Variants in WASF2 observed in about 807,000 individuals in gnomAD.
The protein encoded by WASF2 is WASP family member 2.
In WASF2, 14 loss-of-function variants were observed where a neutral mutation model predicts 45.0. That is an observed-to-expected ratio of 0.31 (90% confidence interval 0.21 to 0.49). The LOEUF (loss-of-function observed/expected upper bound fraction) is 0.49. Ranked by LOEUF, WASF2 falls within the 20% of genes least tolerant of loss-of-function variation. The pLI is 0.99. For missense variants in WASF2, 439 were observed against 636.1 expected, an observed-to-expected ratio of 0.69 and a Z score of 3.33; for synonymous variants, 200 against 236.3, an observed-to-expected ratio of 0.85 and a Z score of 1.41.
At chr1:27,422,141 G>C (rs2016916495) in intron 2 of WASF2, among the ~76,000 whole-genome samples, 1 of 151,702 alleles carries the variant, frequency 6.6e-6, no homozygotes, top group African/African-American at 2.4e-5. Context: ...TAGAGGCTCA[G>C]TGTGGCACAG....
At chr1:27,459,714 T>C (rs1372477972) in intron 1 of WASF2, 1 of 152,220 alleles carries the variant, frequency 6.6e-6, no homozygotes, top group Non-Finnish European at 1.5e-5. Flanking sequence ...CTCCAAACTT[T>C]ATACCACAGT....
At chr1:27,441,260 A>C (rs546125837) in intron 1 of WASF2, among the ~76,000 whole-genome samples, 8 of 152,066 alleles carry the variant, frequency 5.3e-5, no homozygotes, top group Non-Finnish European at 1.0e-4. Flanking sequence ...TGGGAGGCCA[A>C]GGTGGGAGGA....
At position 27,406,447 on chromosome 1, in the gene WASF2, G is replaced by A. The variant is rs2148093629; in HGVS notation, c.*1742C>T. On this transcript the variant is annotated 3_prime_UTR_variant, in exon 9 of 9. Transcript: ENST00000618852. ...GCAAGGGCACAGAGGCAGAACCCAT[G>A]ACTATACACTCTCTCCTCAAGCCGG... 6.5e-6 allele frequency: 1 copy of A among 153,006 alleles called. No homozygotes were observed. Among genetic ancestry groups the A allele is most frequent in the South Asian group, 2.1e-4 (1 of 4,830 alleles). 9.5% of individuals were successfully genotyped at this position (153,006 alleles called of 1,614,324 possible). A position where few individuals can be genotyped will look rare whatever the true frequency, so the allele number is the denominator to read the frequency against.
At chr1:27,456,164 T>C (rs2017463497) in intron 1 of WASF2, among the ~76,000 whole-genome samples, 1 of 151,280 alleles carries the variant, frequency 6.6e-6, no homozygotes, top group East Asian at 1.9e-4. Flanking sequence ...CTACTAAAAA[T>C]ACAAAAAATT....
At position 27,481,482 on chromosome 1, in the gene WASF2, T is replaced by A. The variant is rs531492220; in HGVS notation, c.-44+8504A>T. ...GGGAAGCAGAGGTGGGCAGATCACT[T>A]GAGGCCAGGAGTTTGAGACCAGCCT... On this transcript the variant is annotated intron_variant, in intron 1 of 8. Transcript: ENST00000618852. Among the ~76,000 whole-genome samples the A allele has an allele frequency of 6.1e-4, 93 of 152,078 alleles. 1 individual carries two copies. The South Asian group carries it at 0.019, about 31-fold the overall frequency.
chr1:27,411,035 CAGCCTT>C lies in WASF2; in HGVS notation c.825-835_825-830del, dbSNP rs1557595201. 4.6e-5 allele frequency among the ~76,000 whole-genome samples: 7 copies of C among 152,276 alleles called. No individual in the cohort carries two copies. In the South Asian group the frequency reaches 1.5e-3, roughly 32 times the overall value. On this transcript the variant is annotated intron_variant, in intron 7 of 8. Transcript: ENST00000618852. ...ATTTTGGAATTTTCCACAGACCTTC[CAGCCTT>C]AGCTGCATCTGACAGGGCCACCAGC...
chr1:27,428,584 A>G (rs1216072852), intron 2 of WASF2, among the ~76,000 whole-genome samples, 177 bp downstream of exon 2: 1 of 152,196 alleles, frequency 6.6e-6, no homozygotes, highest in African/African-American at 2.4e-5. Flanking sequence ...AAGAAGGTTG[A>G]AGAGAAGAAG....
At position 27,409,999 on chromosome 1, in the gene WASF2, T is replaced by G; in HGVS notation, c.1032A>C (p.Pro344=). ...PPPPPVGFGS[P]GTPPPPSPPS... ...GGGGTGAGGGTGGTGGAGGCGTCCC[T>G]GGAGACCCAAATCCTACAGGCGGTG... The change falls in exon 8 of 9, where the codon CCA becomes CCC. Residue 344 remains proline (P), a synonymous_variant. Transcript: ENST00000618852. 2 of 1,613,328 alleles carry G rather than the reference T, an allele frequency of 1.2e-6. No homozygotes were observed. The highest frequency in any genetic ancestry group is 1.7e-6 in the Non-Finnish European group (2 of 1,179,790).
intron 2 of WASF2, among the ~76,000 whole-genome samples, chr1:27,422,618 CAAAAAAAA>C (rs782035111): frequency 3.1e-5 from 4 of 128,854 alleles, no homozygotes; most frequent in African/African-American, 1.2e-4. Context: ...GACTCCGTCT[CAAAAAAAA>C]AAAAAAAAAA....
In WASF2 at chr1:27,414,351, A is replaced by C. The variant is rs1487301278; in HGVS notation, c.668+482T>G. Among the ~76,000 whole-genome samples the C allele has an allele frequency of 2.0e-5, 3 of 152,316 alleles. No homozygotes were observed. The East Asian group carries it at 5.8e-4, about 29-fold the overall frequency. On this transcript the variant is annotated intron_variant, in intron 6 of 8. Transcript: ENST00000618852. This position sits in a 1 kb window ranked among gnomAD's most constrained non-coding sequence, Gnocchi z 4.1. ...CACACTGTCTATGAGGTCTGCATTC[A>C]GTCCCTTGGCTAGCTTCTCTCCCAT...
At chr1:27,481,181 G>A (rs554964934) in intron 1 of WASF2, among the ~76,000 whole-genome samples, 53 of 151,318 alleles carry the variant, frequency 3.5e-4, no homozygotes, top group Non-Finnish European at 5.3e-4. Flanking sequence ...GCACGCGCCT[G>A]TAGTCCCAGC....
At chr1:27,441,038 T>C (rs1386381722) in intron 1 of WASF2, among the ~76,000 whole-genome samples, 1 of 151,622 alleles carries the variant, frequency 6.6e-6, no homozygotes, top group Non-Finnish European at 1.5e-5. Context: ...AGCTAATTTT[T>C]TGTATTTTTG....
intron 1 of WASF2, among the ~76,000 whole-genome samples, chr1:27,477,923 A>T (rs145771151): frequency 0.028 from 4,185 of 147,482 alleles, 624 homozygotes; most frequent in East Asian, 0.15. Flanking sequence ...AATAAATAAA[A>T]AAAAAAATAA....
intron 1 of WASF2, among the ~76,000 whole-genome samples, chr1:27,477,891 T>C (rs1195371722): frequency 2.4e-5 from 2 of 83,186 alleles, no homozygotes; most frequent in African/African-American, 8.1e-5. Context: ...AGAGCGAGAC[T>C]CCGTCTCAAA....
chr1:27,457,990 T>TG (rs1384783060), intron 1 of WASF2, among the ~76,000 whole-genome samples: 2 of 152,074 alleles, frequency 1.3e-5, no homozygotes, highest in Non-Finnish European at 2.9e-5. Flanking sequence ...CAGGAGATTG[T>TG]GTCTTTTGCA....
chr1:27,422,904 C>G (rs1219525281), intron 2 of WASF2, among the ~76,000 whole-genome samples: 2 of 151,988 alleles, frequency 1.3e-5, no homozygotes, highest in East Asian at 1.9e-4. Context: ...TTTGGGAGGC[C>G]GAGGCGGGTG....
chr1:27,454,487 C>T (rs926198314), intron 1 of WASF2, among the ~76,000 whole-genome samples: 1 of 151,888 alleles, frequency 6.6e-6, no homozygotes, highest in African/African-American at 2.4e-5. Flanking sequence ...CAGGCAGGCA[C>T]CACCAATGCC....
intron 1 of WASF2, among the ~76,000 whole-genome samples, chr1:27,488,909 G>T (rs1340007798): frequency 6.6e-6 from 1 of 152,132 alleles, no homozygotes; most frequent in Non-Finnish European, 1.5e-5. Context: ...GTTTCCTTAT[G>T]TGTAAATTCT....
rs1488963485 is a variant in WASF2 at position 27,414,595 on chromosome 1, T to C, written c.668+238A>G. On this transcript the variant is annotated intron_variant, in intron 6 of 8. Coordinates refer to ENST00000618852, the MANE Select transcript of WASF2 (RefSeq NM_006990.5). The surrounding 1 kb of genome is among the most constrained non-coding windows in gnomAD (Gnocchi z 4.1). Reference sequence around the variant, plus strand: ...CGCAGAGTAAGGGCACTAGGAGCCATGGGCTTTCTTTTCCAGACCACTCCA... The same window carrying C: ...CGCAGAGTAAGGGCACTAGGAGCCACGGGCTTTCTTTTCCAGACCACTCCA... 6.6e-6 allele frequency among the ~76,000 whole-genome samples: 1 copy of C among 152,216 alleles called. No homozygotes were observed. Among genetic ancestry groups the C allele is most frequent in the Non-Finnish European group, 1.5e-5 (1 of 68,040 alleles).
Sources: gnomAD v4.1 joint callset for allele counts (sites outside exome capture counted in the v4.1 genomes callset) on GRCh38, gnomAD v4.1.1 for gene constraint, Gnocchi (gnomAD v3.1) non-coding constraint, MANE v1.5 for transcripts, NCBI Gene and HGNC (gene_info 2026-07-23, HGNC 2026-07-21) for gene names.